KIR2DL4: variants seen among roughly 807,000 people sequenced by gnomAD.
KIR2DL4 encodes the protein killer cell immunoglobulin like receptor, two Ig domains and long cytoplasmic tail 4.
Under a neutral mutation model 31.0 loss-of-function variants are expected in KIR2DL4, and 41 were observed. The ratio of observed to expected loss-of-function variants is 1.32; its 90% CI spans 1.03 to 1.72. KIR2DL4 has a LOEUF of 1.72. Ranked by LOEUF, KIR2DL4 falls within the 40% of genes most tolerant of loss-of-function variation. KIR2DL4 has a pLI of 0.00. For missense variants in KIR2DL4, 438 were observed against 353.7 expected, an observed-to-expected ratio of 1.24 and a Z score of -1.91; for synonymous variants, 164 against 133.6, an observed-to-expected ratio of 1.23 and a Z score of -1.57.
In KIR2DL4 at chr19:54,813,830, C is replaced by G; in HGVS notation, c.*42-12C>G. The stretch of plus-strand genomic sequence containing the variant: ...GAACACCCTCCCTCACTCAGGATTT[C>G]CCTCTCTCCAGGACTCTGATGAACA... On this transcript the variant is annotated splice_polypyrimidine_tract_variant and intron_variant, in intron 7 of 7. Coordinates refer to ENST00000359085, the Ensembl canonical transcript of KIR2DL4. 1.2e-6 allele frequency: 2 copies of G among 1,611,106 alleles called. No homozygotes were observed. Among genetic ancestry groups the G allele is most frequent in the Non-Finnish European group, 1.7e-6 (2 of 1,178,618 alleles).
In KIR2DL4 at chr19:54,804,789, C is replaced by T. The variant is rs2060397115; in HGVS notation, c.77-4C>T. 2 of 1,611,122 alleles carry T rather than the reference C, an allele frequency of 1.2e-6. No homozygotes were observed. The highest frequency in any genetic ancestry group is 3.3e-5 in the Admixed American group (2 of 59,794). On this transcript the variant is annotated splice_region_variant and splice_polypyrimidine_tract_variant and intron_variant, in intron 2 of 7. Coordinates refer to ENST00000359085, the Ensembl canonical transcript of KIR2DL4. Reference sequence around the variant, plus strand: ...CTCTGAGGCGGCATCTCCTTCTCCCCAAGGTGGTCAGGACAAGCCCTTCTG... The same window carrying T: ...CTCTGAGGCGGCATCTCCTTCTCCCTAAGGTGGTCAGGACAAGCCCTTCTG...
At chr19:54,809,691 C>T (rs1426042786) in intron 5 of KIR2DL4, among the ~76,000 whole-genome samples, 7 of 151,374 alleles carry the variant, frequency 4.6e-5, no homozygotes, top group African/African-American at 1.7e-4. Context: ...TCTCACACGG[C>T]ATCACTCAGA....
Position 54,813,077 on chromosome 19 carries a change from G to C in KIR2DL4, c.707-48G>C. On this transcript the variant is annotated intron_variant, in intron 5 of 7. Coordinates refer to ENST00000359085, the Ensembl canonical transcript of KIR2DL4. ...CAAGAAATGAGAGACAATCCACAAA[G>C]AGGAACTGCTATGGTTAGCTTCTTA... 2.2e-6 allele frequency: 3 copies of C among 1,335,872 alleles called. 1 individual carries two copies. The highest frequency in any genetic ancestry group is 3.1e-6 in the Non-Finnish European group (3 of 967,910). The allele number at this position is 1,335,872 out of a possible 1,614,324, so 82.8% of individuals were successfully genotyped here.
chr19:54,808,910 G>C, intron 5 of KIR2DL4, 27 bp downstream of exon 5: 3 of 1,585,324 alleles, frequency 1.9e-6, no homozygotes, highest in Non-Finnish European at 2.6e-6. Context: ...TCTTATCTCT[G>C]CTTTTGGAAA....
chr19:54,806,816 T>C (rs657781), intron 4 of KIR2DL4, among the ~76,000 whole-genome samples: 59,954 of 147,874 alleles, frequency 0.41, 13,009 homozygotes, highest in East Asian at 0.67. Context: ...GAGACCAGCC[T>C]GGCCAACATG....
chr19:54,814,321 A>G, exon 8 of KIR2DL4: 1 of 585,880 alleles, frequency 1.7e-6, no homozygotes, highest in South Asian at 2.0e-5. Flanking sequence ...CTGCAATCAC[A>G]CTGAGGAACT....
At chr19:54,805,260 G>A (rs2060443632) in intron 3 of KIR2DL4, among the ~76,000 whole-genome samples, 183 bp downstream of exon 3, 1 of 151,338 alleles carries the variant, frequency 6.6e-6, no homozygotes, top group African/African-American at 2.4e-5. Flanking sequence ...TGGCCACATT[G>A]TAATCCTTGG....
chr19:54,813,778 T>C (rs1221566932), intron 7 of KIR2DL4, 36 bp downstream of exon 6: 11 of 1,611,316 alleles, frequency 6.8e-6, no homozygotes, highest in Non-Finnish European at 8.5e-6. Context: ...GGATACAGTC[T>C]TATTCCGAAA....
rs1236039622 is a variant in KIR2DL4 at position 54,813,989 on chromosome 19, C to T, written c.*189C>T. On this transcript the variant is annotated 3_prime_UTR_variant, in exon 8 of 8. Coordinates refer to ENST00000359085, the Ensembl canonical transcript of KIR2DL4. ...GTGTATAGAACTTCCAAATGCTGAG[C>T]CCAGAGCGTTGTCTCCTGCCCATGA... The T allele has an allele frequency of 1.3e-5, 21 of 1,612,156 alleles. No homozygotes were observed. In the East Asian group the frequency reaches 4.2e-4, roughly 33 times the overall value.
intron 5 of KIR2DL4, chr19:54,813,052 C>T: frequency 1.6e-6 from 2 of 1,217,692 alleles, no homozygotes; most frequent in Non-Finnish European, 2.3e-6. Flanking sequence ...GCCTGGCAAC[C>T]AAGAAATGAG....
chr19:54,814,378 A>T lies in KIR2DL4; in HGVS notation c.*578A>T. On this transcript the variant is annotated 3_prime_UTR_variant, in exon 8 of 8. Coordinates refer to ENST00000359085, the Ensembl canonical transcript of KIR2DL4. ...GGCTCTCTCTTAACACGGCACTTAG[A>T]CACGTGCTGTTCCACCTTCCCTCGT... is the stretch of plus-strand genomic sequence containing the variant. 3 of 485,782 alleles carry T rather than the reference A, an allele frequency of 6.2e-6. No individual in the cohort carries two copies. In the South Asian group the frequency reaches 6.9e-5, roughly 11 times the overall value. The allele number at this position is 485,782 out of a possible 1,614,324, so 30.1% of individuals were successfully genotyped here.
chr19:54,808,954 G>C (rs2060692808), intron 5 of KIR2DL4, 71 bp downstream of exon 5: 50 of 1,214,040 alleles, frequency 4.1e-5, no homozygotes, highest in Non-Finnish European at 6.0e-5. Context: ...TTCAAGCGTT[G>C]GCTCAGCACC....
At chr19:54,807,586 C>T (rs1450237066) in intron 4 of KIR2DL4, among the ~76,000 whole-genome samples, 2 of 149,096 alleles carry the variant, frequency 1.3e-5, no homozygotes, top group East Asian at 2.0e-4. Context: ...TACTGGTGCC[C>T]GCCACCACGC....
rs1034685088 is a variant in KIR2DL4, at chr19:54,804,766, C to T, written c.77-27C>T. The T allele has an allele frequency of 5.0e-6, 8 of 1,605,886 alleles. No homozygotes were observed. The Admixed American group carries it at 5.1e-5, about 10-fold the overall frequency. On this transcript the variant is annotated intron_variant, in intron 2 of 7. Transcript: ENST00000359085. ...GAGGGGCAGCTCAACATACTCCTCT[C>T]TGAGGCGGCATCTCCTTCTCCCCAA...
rs533060800 is a variant in KIR2DL4, at chr19:54,813,302, G to A, written c.810+74G>A. ...GCAGGATGGGAGCACGCAGGTGTGT[G>A]TTCCTCACTGGCAGGAAAGTCTCTG... On this transcript the variant is annotated intron_variant, in intron 6 of 7. Coordinates refer to ENST00000359085, the Ensembl canonical transcript of KIR2DL4. 1.1e-4 allele frequency: 176 copies of A among 1,584,922 alleles called. 5 individuals carry two copies. In the African/African-American group the frequency reaches 2.1e-3, roughly 19 times the overall value.
rs2060393366 is a variant in KIR2DL4, at chr19:54,804,739, G to A, written c.77-54G>A. On this transcript the variant is annotated intron_variant, in intron 2 of 7. Transcript: ENST00000359085. Reference sequence around the variant, plus strand: ...GGGGAGAATCTTCTGAGCACAGGGAGGGAGGGGCAGCTCAACATACTCCTC... The same window carrying A: ...GGGGAGAATCTTCTGAGCACAGGGAAGGAGGGGCAGCTCAACATACTCCTC... The A allele has an allele frequency of 1.3e-6, 2 of 1,551,672 alleles. 1 individual carries two copies. The highest frequency in any genetic ancestry group is 2.3e-5 in the South Asian group (2 of 85,798).
chr19:54,810,419 G>A (rs1419535338), intron 5 of KIR2DL4, among the ~76,000 whole-genome samples: 4 of 151,422 alleles, frequency 2.6e-5, no homozygotes, highest in Admixed American at 6.6e-5. Context: ...GAGCCAAGGC[G>A]CCGAGCCGTA....
intron 4 of KIR2DL4, among the ~76,000 whole-genome samples, chr19:54,807,457 C>G (rs2060595235): frequency 6.6e-6 from 1 of 151,202 alleles, no homozygotes. Flanking sequence ...GTTTTTTTGA[C>G]ATAGCGTTTC....
intron 2 of KIR2DL4, 23 bp from the exon 3 acceptor site, chr19:54,804,770 G>A: frequency 1.2e-6 from 2 of 1,607,016 alleles, no homozygotes; most frequent in Non-Finnish European, 1.7e-6. Context: ...TCCTCTCTGA[G>A]GCGGCATCTC....
Sources: allele counts gnomAD v4.1 joint callset (sites outside exome capture counted in the v4.1 genomes callset), GRCh38; gene constraint gnomAD v4.1.1; transcripts MANE v1.5; gene names NCBI Gene and HGNC (gene_info 2026-07-23, HGNC 2026-07-21).